Variants in TG observed in about 807,000 individuals in gnomAD.
The protein encoded by TG is thyroid hormones.
Under a neutral mutation model 324.7 loss-of-function variants are expected in TG, and 270 were observed. That is an observed-to-expected ratio of 0.83 (90% confidence interval 0.75 to 0.92). The LOEUF is 0.92. Ranked by LOEUF, TG falls within the 40% of genes least tolerant of loss-of-function variation. The probability of loss-of-function intolerance (pLI) is 0.00; values close to 1 mark genes in which losing one functional copy is unlikely to be tolerated. For synonymous variants in TG, 1,401 were observed against 1,327.0 expected (o/e 1.06, Z -1.21); for missense variants, 3,591 against 3,456.4 (o/e 1.04, Z -0.98).
At chr8:132,884,738 C>A (rs1363157020) in intron 8 of TG, among the ~76,000 whole-genome samples, 1 of 152,194 alleles carries the variant, frequency 6.6e-6, no homozygotes, top group East Asian at 1.9e-4. Context: ...ATGGCTCTAT[C>A]AAGTGCATAG....
At chr8:133,078,888 A>T (rs1845308749) in intron 41 of TG, among the ~76,000 whole-genome samples, 1 of 152,170 alleles carries the variant, frequency 6.6e-6, no homozygotes, top group Admixed American at 6.5e-5. Context: ...GGAGTTTCTG[A>T]TCTAGCAGAG....
chr8:132,899,327 G>A (rs1001935245), intron 14 of TG, among the ~76,000 whole-genome samples: 1 of 152,196 alleles, frequency 6.6e-6, no homozygotes, highest in African/African-American at 2.4e-5. Context: ...AGCTCCCGGG[G>A]TGATTGTAAC....
At chr8:133,080,434 T>G (rs1170589036) in intron 41 of TG, among the ~76,000 whole-genome samples, 1 of 152,074 alleles carries the variant, frequency 6.6e-6, no homozygotes, top group Non-Finnish European at 1.5e-5. Context: ...AGTAGGAAAT[T>G]TGCTGTCACT....
intron 35 of TG, chr8:132,994,948 G>A (rs1020472758): frequency 1.9e-6 from 2 of 1,079,108 alleles, no homozygotes; most frequent in Non-Finnish European, 2.3e-6. Context: ...GTTGTGAGAG[G>A]GGTTGGCTTA....
chr8:132,898,916 G>T lies in TG; in HGVS notation c.3330+6G>T, dbSNP rs369679853. On this transcript the variant is annotated splice_donor_region_variant and intron_variant, in intron 14 of 47. Transcript: ENST00000220616. The stretch of plus-strand genomic sequence containing the variant: ...TCGTCCCAGCCTGCCTAGAAGTAAG[G>T]GTCTGGAAGCACAGGATTGGAGCCG... 1 of 1,612,216 alleles carries T rather than the reference G, an allele frequency of 6.2e-7. No homozygotes were observed. Among genetic ancestry groups the T allele is most frequent in the Middle Eastern group, 1.6e-4 (1 of 6,084 alleles).
At chr8:132,968,051 T>G (rs1424482581) in intron 31 of TG, 81 bp downstream of exon 31, 1 of 1,508,430 alleles carries the variant, frequency 6.6e-7, no homozygotes, top group Admixed American at 1.9e-5. Context: ...CCACATTAGT[T>G]TCTTATTTAA....
chr8:132,988,449 GTGCATTGGATAC>G (rs11268816), intron 35 of TG, among the ~76,000 whole-genome samples: 86,497 of 151,622 alleles, frequency 0.57, 25,805 homozygotes, highest in African/African-American at 0.7. Context: ...AAAGCGTAAA[GTGCATTGGATAC>G]TGCAGATCCT....
At chr8:133,013,806 G>C (rs781559218) in intron 37 of TG, 42 bp downstream of exon 37, 1 of 1,592,214 alleles carries the variant, frequency 6.3e-7, no homozygotes, top group East Asian at 2.3e-5. Flanking sequence ...CTGGGAAACT[G>C]GGTCTGGGGA....
chr8:132,954,249 G>A (rs2403882), intron 27 of TG, among the ~76,000 whole-genome samples: 45,825 of 151,946 alleles, frequency 0.3, 9,198 homozygotes, highest in African/African-American at 0.56. Context: ...AGGATGAGTC[G>A]TTTAAAAAGG....
chr8:132,885,131 G>C (rs937192097), intron 8 of TG, among the ~76,000 whole-genome samples: 16 of 146,562 alleles, frequency 1.1e-4, no homozygotes, highest in Admixed American at 3.4e-4. Flanking sequence ...TTAAAAGTTG[G>C]GGGGGGGGCG....
At chr8:132,979,385 A>G (rs1830554273) in intron 34 of TG, among the ~76,000 whole-genome samples, 1 of 152,148 alleles carries the variant, frequency 6.6e-6, no homozygotes, top group Non-Finnish European at 1.5e-5. Context: ...CTGCTAAGCA[A>G]ATGTTTTTGG....
Position 133,134,893 on chromosome 8 carries a change from C to T in TG, c.*99C>T, listed in dbSNP as rs759134639. 28 of 901,586 alleles carry T rather than the reference C, an allele frequency of 3.1e-5. No homozygotes were observed. Among genetic ancestry groups the T allele is most frequent in the South Asian group, 9.6e-5 (7 of 73,158 alleles). 55.8% of individuals were successfully genotyped at this position (901,586 alleles called of 1,614,324 possible). On this transcript the variant is annotated 3_prime_UTR_variant, in exon 48 of 48. Coordinates refer to ENST00000220616, the MANE Select transcript of TG (RefSeq NM_003235.5). ...TTACCTTCAATAAAGTATCTACATG[C>T]GGTGAAGCATTGTTGACTCTAATGT...
At chr8:132,881,008 T>C (rs1814574861) in intron 5 of TG, among the ~76,000 whole-genome samples, 1 of 152,226 alleles carries the variant, frequency 6.6e-6, no homozygotes, top group Non-Finnish European at 1.5e-5. Flanking sequence ...TGCTGGGAGA[T>C]ATATTTCAGA....
intron 42 of TG, 134 bp downstream of exon 42, chr8:133,095,342 T>TAGAG: frequency 8.1e-7 from 1 of 1,232,640 alleles, no homozygotes; most frequent in Non-Finnish European, 1.2e-6. Flanking sequence ...GAGCTGGAAC[T>TAGAG]CACATTCCCT....
At chr8:132,931,603 C>A (rs575041683) in intron 23 of TG, among the ~76,000 whole-genome samples, 1 of 152,224 alleles carries the variant, frequency 6.6e-6, no homozygotes, top group African/African-American at 2.4e-5. Context: ...ATGGTAGGAA[C>A]CCTGGTTCTA....
chr8:132,961,694 G>A (rs569653637), intron 28 of TG, among the ~76,000 whole-genome samples: 3 of 152,284 alleles, frequency 2.0e-5, no homozygotes, highest in East Asian at 1.9e-4. Context: ...GAAGGGTTCC[G>A]GCCTCAGGAG....
intron 42 of TG, 111 bp from the exon 43 acceptor site, chr8:133,096,095 G>C (rs1848368736): frequency 1.5e-6 from 2 of 1,353,328 alleles, no homozygotes; most frequent in Non-Finnish European, 2.1e-6. Context: ...TTTCTCAGTA[G>C]AGTCATAGAT....
intron 22 of TG, 91 bp downstream of exon 22, chr8:132,923,599 A>C: frequency 7.0e-7 from 1 of 1,430,634 alleles, no homozygotes. Flanking sequence ...CTGGAGGTGC[A>C]TTTGTCTCCA....
At chr8:133,037,710 A>T (rs923211735) in intron 41 of TG, 20 of 152,032 alleles carry the variant, frequency 1.3e-4, no homozygotes. Context: ...CAATAAATGA[A>T]TACTTGATGC....
Sources: allele counts gnomAD v4.1 joint callset (sites outside exome capture counted in the v4.1 genomes callset), GRCh38; gene constraint gnomAD v4.1.1; transcripts MANE v1.5; gene names NCBI Gene and HGNC (gene_info 2026-07-23, HGNC 2026-07-21).